Variants in HMG20A observed in about 807,000 individuals in gnomAD.
The protein encoded by HMG20A is high mobility group 20A.
Under a neutral mutation model 43.9 loss-of-function variants are expected in HMG20A, and 17 were observed. That is an observed-to-expected ratio of 0.39 (90% CI 0.27 to 0.58). The LOEUF (loss-of-function observed/expected upper bound fraction) is 0.58. Among genes scored for constraint, HMG20A ranks in the 20% least tolerant of loss-of-function variants. The pLI, the probability that HMG20A is intolerant of heterozygous loss-of-function variation, is 0.59. For missense variants in HMG20A, 341 were observed against 438.2 expected (o/e 0.78, Z 1.98); for synonymous variants, 132 against 147.5 (o/e 0.89, Z 0.76).
chr15:77,431,492 A>G (rs12901298), intron 1 of HMG20A, among the ~76,000 whole-genome samples: 12,140 of 152,216 alleles, frequency 0.08, 598 homozygotes, highest in Non-Finnish European at 0.1. Flanking sequence ...AATTACAGGC[A>G]TGAGCTACCA....
the HMG20A span, among the ~76,000 whole-genome samples, chr15:77,498,730 A>G: frequency 1.3e-5 from 2 of 152,250 alleles, no homozygotes; most frequent in South Asian, 2.1e-4. Flanking sequence ...AAGGCATACA[A>G]CAATCTCATA....
chr15:77,428,232 T>C (rs1465154890), intron 1 of HMG20A, among the ~76,000 whole-genome samples: 1 of 152,164 alleles, frequency 6.6e-6, no homozygotes, highest in Non-Finnish European at 1.5e-5. Context: ...TCCCTGATGA[T>C]CAGGTACCTA....
chr15:77,475,647 C>CTTA (rs2072848090), intron 6 of HMG20A, among the ~76,000 whole-genome samples: 1 of 152,226 alleles, frequency 6.6e-6, no homozygotes, highest in African/African-American at 2.4e-5. Flanking sequence ...AGTCTTTATG[C>CTTA]TGTCATCTGT....
chr15:77,489,627 A>T (rs1273926026), downstream of HMG20A, among the ~76,000 whole-genome samples: 1 of 152,256 alleles, frequency 6.6e-6, no homozygotes. Flanking sequence ...ATCTCAGCTA[A>T]TTACCTAGAT....
chr15:77,496,109 G>T, the HMG20A span, among the ~76,000 whole-genome samples: 2 of 152,232 alleles, frequency 1.3e-5, no homozygotes, highest in East Asian at 3.9e-4. Flanking sequence ...TGCTTGCCCG[G>T]GTCTGCCTTT....
chr15:77,444,253 A>G (rs1249006405), intron 1 of HMG20A, among the ~76,000 whole-genome samples: 1 of 152,176 alleles, frequency 6.6e-6, no homozygotes, highest in African/African-American at 2.4e-5. Context: ...ACTGTGGTAG[A>G]CTTCTGTTCA....
chr15:77,458,369 G>A (rs774181340), intron 1 of HMG20A, 35 bp from the exon 2 acceptor site: 70 of 1,347,132 alleles, frequency 5.2e-5, no homozygotes, highest in Non-Finnish European at 6.9e-5. Context: ...AAGTAATTAA[G>A]CCATTAATTT....
chr15:77,467,304 A>G lies in HMG20A; in HGVS notation c.447A>G (p.Lys149=). 5 of 1,610,156 alleles carry G rather than the reference A, an allele frequency of 3.1e-6. No homozygotes were observed. The highest frequency in any genetic ancestry group is 4.3e-6 in the Non-Finnish European group (5 of 1,176,456). The part of the protein sequence containing the change: ...NEWSKLPPEE[K]QRYLDEADRD... ...GGAGTAAACTGCCTCCTGAGGAAAA[A>G]CAGGTAATTGTTCCTATTCCTGACT... is the stretch of plus-strand genomic sequence containing the variant. The change falls in exon 4 of 10, where the codon AAA becomes AAG. Residue 149 remains lysine (K), a synonymous_variant. Coordinates refer to ENST00000336216, the MANE Select transcript of HMG20A (RefSeq NM_001304504.2).
chr15:77,463,757 C>G (rs1362394667), intron 2 of HMG20A, among the ~76,000 whole-genome samples: 1 of 152,210 alleles, frequency 6.6e-6, no homozygotes, highest in East Asian at 1.9e-4. Flanking sequence ...ACGCTATAAT[C>G]CAAGAAGAAA....
chr15:77,434,688 TGAG>T (rs2073526932), intron 1 of HMG20A, among the ~76,000 whole-genome samples: 1 of 152,180 alleles, frequency 6.6e-6, no homozygotes, highest in South Asian at 2.1e-4. Context: ...CTCAGTATCT[TGAG>T]GCCTCTCACT....
chr15:77,478,416 G>A lies in HMG20A; in HGVS notation c.813G>A (p.Val271=). 1 of 1,613,120 alleles carries A rather than the reference G, an allele frequency of 6.2e-7. No individual in the cohort carries two copies. Residue 271 remains valine, a synonymous_variant, in exon 8 of 10, where the codon GTG becomes GTA. Coordinates refer to ENST00000336216, the MANE Select transcript of HMG20A (RefSeq NM_001304504.2). ...CAGTGGAGAAGCTGGAGGTGGATGTGATCCAGGAGCGGAGCCGCAACACAG... is the reference window on the plus strand; with the variant it reads ...CAGTGGAGAAGCTGGAGGTGGATGTAATCCAGGAGCGGAGCCGCAACACAG... ...RTAVEKLEVD[V]IQERSRNTVL... is the part of the protein sequence containing the mutation.
At chr15:77,443,883 G>C (rs781288122) in intron 1 of HMG20A, among the ~76,000 whole-genome samples, 8 of 151,824 alleles carry the variant, frequency 5.3e-5, no homozygotes, top group Non-Finnish European at 1.0e-4. Context: ...GATAATTTTT[G>C]TATTTTTGGT....
intron 1 of HMG20A, among the ~76,000 whole-genome samples, chr15:77,429,944 A>T (rs1185089669): frequency 1.3e-5 from 2 of 152,302 alleles, no homozygotes; most frequent in East Asian, 3.9e-4. Flanking sequence ...CTGACCACTT[A>T]CTTGTGTCAG....
chr15:77,449,888 T>G (rs985894445), intron 1 of HMG20A, among the ~76,000 whole-genome samples: 2 of 152,180 alleles, frequency 1.3e-5, no homozygotes, highest in Non-Finnish European at 2.9e-5. Context: ...TATAATGACA[T>G]GTATCCACCA....
chr15:77,441,356 A>G (rs2073611175), intron 1 of HMG20A, among the ~76,000 whole-genome samples: 1 of 152,056 alleles, frequency 6.6e-6, no homozygotes, highest in South Asian at 2.1e-4. Context: ...TTGTGTACAT[A>G]TATGTTTATG....
chr15:77,496,035 G>C, the HMG20A span, among the ~76,000 whole-genome samples: 1 of 152,138 alleles, frequency 6.6e-6, no homozygotes, highest in Non-Finnish European at 1.5e-5. Context: ...GACTGTGAGG[G>C]AGGAAGGGAG....
intron 5 of HMG20A, 68 bp from the exon 6 acceptor site, chr15:77,471,715 C>A: frequency 2.1e-6 from 2 of 944,910 alleles, no homozygotes; most frequent in South Asian, 1.4e-5. Flanking sequence ...TTGGCAGAGT[C>A]GTATACTTGG....
intron 1 of HMG20A, among the ~76,000 whole-genome samples, chr15:77,428,558 T>A (rs1272819694): frequency 6.6e-6 from 1 of 152,240 alleles, no homozygotes; most frequent in African/African-American, 2.4e-5. Context: ...ACAAATTTAA[T>A]ATCAGGAATA....
chr15:77,442,338 C>G (rs751445406), intron 1 of HMG20A, among the ~76,000 whole-genome samples: 10 of 152,108 alleles, frequency 6.6e-5, no homozygotes, highest in Non-Finnish European at 1.0e-4. Flanking sequence ...AGTCACAACA[C>G]TTTTTTCCCC....
Sources: gnomAD v4.1 joint callset for allele counts (sites outside exome capture counted in the v4.1 genomes callset) on GRCh38, gnomAD v4.1.1 for gene constraint, MANE v1.5 for transcripts, NCBI Gene and HGNC (gene_info 2026-07-23, HGNC 2026-07-21) for gene names.